RBFOX1: variants seen among roughly 807,000 people sequenced by gnomAD.
RBFOX1 encodes the protein RNA binding protein fox-1 homolog 1.
RBFOX1 carries 8 observed loss-of-function variants against 57.7 expected under a neutral mutation model. The ratio of observed to expected loss-of-function variants is 0.14; its 90% CI spans 0.08 to 0.25. RBFOX1 has a LOEUF of 0.25. Ranked by LOEUF, RBFOX1 falls within the 10% of genes least tolerant of loss-of-function variation. The pLI, the probability that RBFOX1 is intolerant of heterozygous loss-of-function variation, is 1.00. For synonymous variants in RBFOX1, 326 were observed against 222.4 expected, an observed-to-expected ratio of 1.47 and a Z score of -4.15; for missense variants, 611 against 548.5, an observed-to-expected ratio of 1.11 and a Z score of -1.14.
intron 3 of RBFOX1, among the ~76,000 whole-genome samples, chr16:6,967,957 G>A (rs977586897): frequency 4.6e-5 from 7 of 152,124 alleles, no homozygotes; most frequent in Admixed American, 2.0e-4. Context: ...GGATAAAAAC[G>A]CTCGGGGAGA....
At chr16:6,410,442 G>T (rs1270345706) in intron 2 of RBFOX1, among the ~76,000 whole-genome samples, 1 of 151,570 alleles carries the variant, frequency 6.6e-6, no homozygotes, top group Non-Finnish European at 1.5e-5. Context: ...CTCCCGAGTA[G>T]CTGGGACTAC....
intron 3 of RBFOX1, among the ~76,000 whole-genome samples, chr16:5,858,718 G>A (rs1352521678): frequency 6.6e-6 from 1 of 152,208 alleles, no homozygotes; most frequent in African/African-American, 2.4e-5. Context: ...TTTATTCATT[G>A]GACATGTCTG....
intron 4 of RBFOX1, among the ~76,000 whole-genome samples, chr16:7,284,377 C>T (rs1205250385): frequency 1.3e-5 from 2 of 152,108 alleles, no homozygotes; most frequent in East Asian, 3.9e-4. Context: ...GTATCCCAGG[C>T]TGTAGTACGG....
chr16:6,829,567 T>A (rs1299361075), intron 3 of RBFOX1, among the ~76,000 whole-genome samples: 1 of 152,084 alleles, frequency 6.6e-6, no homozygotes, highest in Non-Finnish European at 1.5e-5. Flanking sequence ...AACAGGTATT[T>A]GCATAATCAT....
chr16:6,060,538 C>T (rs535415606), intron 1 of RBFOX1, among the ~76,000 whole-genome samples: 1 of 152,216 alleles, frequency 6.6e-6, no homozygotes, highest in African/African-American at 2.4e-5. Context: ...CAGGTTCGAC[C>T]TCTACGTCAG....
intron 3 of RBFOX1, among the ~76,000 whole-genome samples, chr16:5,803,429 G>A (rs912676687): frequency 6.6e-6 from 1 of 152,146 alleles, no homozygotes; most frequent in Admixed American, 6.5e-5. Context: ...GACCAGATCC[G>A]GGATCTTTAG....
chr16:6,869,965 C>G (rs191156218), intron 3 of RBFOX1, among the ~76,000 whole-genome samples: 2 of 152,088 alleles, frequency 1.3e-5, no homozygotes, highest in African/African-American at 4.8e-5. Context: ...ATCTTAGGAC[C>G]TATAAAATAA....
chr16:5,663,160 C>T (rs972402423), intron 3 of RBFOX1, among the ~76,000 whole-genome samples: 9 of 152,216 alleles, frequency 5.9e-5, no homozygotes, highest in South Asian at 2.1e-4. Context: ...AAGAATGACC[C>T]GGTTCCAAAT....
chr16:5,454,764 T>G (rs77482084), intron 1 of RBFOX1, among the ~76,000 whole-genome samples: 1 of 22,752 alleles, frequency 4.4e-5, no homozygotes, highest in Non-Finnish European at 9.1e-5. Flanking sequence ...CTTTTCTTTC[T>G]TTCTCTTTCT....
intron 3 of RBFOX1, among the ~76,000 whole-genome samples, chr16:5,622,051 CTT>C (rs1355487632): frequency 6.6e-6 from 1 of 152,196 alleles, no homozygotes; most frequent in Admixed American, 6.5e-5. Flanking sequence ...TTATCTGAAA[CTT>C]TGCCAGAAGC....
intron 2 of RBFOX1, among the ~76,000 whole-genome samples, chr16:6,332,813 G>T (rs2083197539): frequency 6.6e-6 from 1 of 152,164 alleles, no homozygotes; most frequent in African/African-American, 2.4e-5. Flanking sequence ...CCGTGGACTA[G>T]AAGGGTAGAT....
intron 4 of RBFOX1, among the ~76,000 whole-genome samples, chr16:7,393,375 T>G: frequency 6.6e-6 from 1 of 152,202 alleles, no homozygotes; most frequent in East Asian, 1.9e-4. Context: ...CCACAAGTTT[T>G]CTTTGGTATC....
At chr16:5,319,956 C>T (rs1332122556) in intron 1 of RBFOX1, among the ~76,000 whole-genome samples, 1 of 152,204 alleles carries the variant, frequency 6.6e-6, no homozygotes, top group East Asian at 1.9e-4. Flanking sequence ...GCATATATCA[C>T]ATCTTCCAAC....
intron 3 of RBFOX1, among the ~76,000 whole-genome samples, chr16:6,860,484 C>T (rs902686105): frequency 6.6e-6 from 1 of 152,200 alleles, no homozygotes; most frequent in African/African-American, 2.4e-5. Flanking sequence ...TATATTGATG[C>T]ACCTGCTTTG....
At chr16:5,336,448 C>T (rs1010660992) in intron 1 of RBFOX1, among the ~76,000 whole-genome samples, 9 of 152,180 alleles carry the variant, frequency 5.9e-5, no homozygotes, top group Non-Finnish European at 1.0e-4. Flanking sequence ...CTTCCGTTGC[C>T]GAGGATTGAA....
chr16:6,745,696 A>G (rs1250696525), intron 3 of RBFOX1, among the ~76,000 whole-genome samples: 1 of 152,246 alleles, frequency 6.6e-6, no homozygotes, highest in Non-Finnish European at 1.5e-5. Context: ...ATCATGCTTA[A>G]TGAGGAAATA....
At chr16:6,250,883 C>G (rs1441362719) in intron 1 of RBFOX1, among the ~76,000 whole-genome samples, 1 of 152,130 alleles carries the variant, frequency 6.6e-6, no homozygotes, top group Non-Finnish European at 1.5e-5. Flanking sequence ...ATTATCCAAC[C>G]TGGTTGATTG....
intron 3 of RBFOX1, among the ~76,000 whole-genome samples, chr16:6,779,426 A>C (rs1225012213): frequency 1.3e-5 from 2 of 151,834 alleles, no homozygotes; most frequent in African/African-American, 2.4e-5. Flanking sequence ...ATTGGTGGAC[A>C]CTCAGGTTGA....
chr16:6,396,071 A>C (rs972510486), intron 2 of RBFOX1, among the ~76,000 whole-genome samples: 1 of 151,146 alleles, frequency 6.6e-6, no homozygotes. Context: ...TTCTCAAAAA[A>C]AAAAAAAAAA....
Sources: allele counts gnomAD v4.1 joint callset (sites outside exome capture counted in the v4.1 genomes callset), GRCh38; gene constraint gnomAD v4.1.1; transcripts MANE v1.5; gene names NCBI Gene and HGNC (gene_info 2026-07-23, HGNC 2026-07-21).